PTPN4: variants seen among roughly 807,000 people sequenced by gnomAD.
PTPN4 encodes protein tyrosine phosphatase non-receptor type 4, also known as tyrosine-protein phosphatase non-receptor type 4.
Under a neutral mutation model 135.5 loss-of-function variants are expected in PTPN4, and 49 were observed. The ratio of observed to expected loss-of-function variants is 0.36; its 90% confidence interval spans 0.29 to 0.46. The LOEUF (loss-of-function observed/expected upper bound fraction) is 0.46. Among genes scored for constraint, PTPN4 ranks in the 20% least tolerant of loss-of-function variants. PTPN4 has a pLI of 1.00. For synonymous variants in PTPN4, 333 were observed against 369.9 expected, an observed-to-expected ratio of 0.90 and a Z score of 1.14; for missense variants, 860 against 1,101.0, an observed-to-expected ratio of 0.78 and a Z score of 3.10.
At position 119,760,206 on chromosome 2, in the gene PTPN4, C is replaced by T. The variant is rs1690454433; in HGVS notation, c.-196C>T. 2.5e-6 allele frequency: 1 copy of T among 396,116 alleles called. No homozygotes were observed. The highest frequency in any genetic ancestry group is 1.3e-4 in the South Asian group (1 of 7,714). 24.5% of individuals were successfully genotyped at this position (396,116 alleles called of 1,614,324 possible). A position where few individuals can be genotyped will look rare whatever the true frequency, so the allele number is the denominator to read the frequency against. ...CCAGCGGCGCCGGCCCGCGGCTGCC[C>T]AGCAGCATGAGGTGGTGCTGGCGGC... is the stretch of plus-strand genomic sequence containing the variant. On this transcript the variant is annotated 5_prime_UTR_variant, in exon 1 of 27. Coordinates refer to ENST00000263708, the MANE Select transcript of PTPN4 (RefSeq NM_002830.4).
chr2:119,896,081 C>G (rs993490091), intron 9 of PTPN4, among the ~76,000 whole-genome samples: 1 of 152,132 alleles, frequency 6.6e-6, no homozygotes, highest in Non-Finnish European at 1.5e-5. Context: ...AAAACACAGA[C>G]AGGTATGTAT....
At position 119,885,972 on chromosome 2, in the gene PTPN4, G is replaced by C. The variant is rs1454009783; in HGVS notation, c.675+90G>C. The C allele has an allele frequency of 6.9e-6, 6 of 863,798 alleles. No homozygotes were observed. The East Asian group carries it at 1.4e-4, about 20-fold the overall frequency. 53.5% of individuals were successfully genotyped at this position (863,798 alleles called of 1,614,324 possible). ...TAAGATTAGATAACAAATGGAATAA[G>C]TTATGATTGCTGCTGACACAGCTGC... On this transcript the variant is annotated intron_variant, in intron 9 of 26. Transcript: ENST00000263708.
intron 26 of PTPN4, among the ~76,000 whole-genome samples, chr2:119,972,956 T>C (rs894666017): frequency 1.3e-5 from 2 of 152,150 alleles, no homozygotes; most frequent in African/African-American, 4.8e-5. Flanking sequence ...TTGCTAGCAT[T>C]TTCTTGAGGT....
chr2:119,878,131 A>G (rs1678012807), intron 5 of PTPN4, among the ~76,000 whole-genome samples: 1 of 152,148 alleles, frequency 6.6e-6, no homozygotes, highest in Non-Finnish European at 1.5e-5. Context: ...GTCTCAGCTT[A>G]TGTTACTATC....
chr2:119,817,977 T>A (rs1677013367), intron 2 of PTPN4, among the ~76,000 whole-genome samples: 1 of 152,180 alleles, frequency 6.6e-6, no homozygotes, highest in African/African-American at 2.4e-5. Context: ...CTTGTTGGTG[T>A]ATAGGAATGC....
intron 16 of PTPN4, 21 bp downstream of exon 16, chr2:119,945,261 T>C (rs776542332): frequency 2.9e-5 from 44 of 1,496,262 alleles, no homozygotes; most frequent in Non-Finnish European, 2.8e-5. Flanking sequence ...TCTTCAGATA[T>C]TCTCATTTTT....
At chr2:119,878,039 A>G (rs938441861) in intron 5 of PTPN4, among the ~76,000 whole-genome samples, 4 of 152,216 alleles carry the variant, frequency 2.6e-5, no homozygotes, top group Non-Finnish European at 5.9e-5. Context: ...CCAAAAAAAT[A>G]TAATGGAGTT....
At chr2:119,844,742 G>T (rs1205729196) in intron 2 of PTPN4, among the ~76,000 whole-genome samples, 11 of 142,314 alleles carry the variant, frequency 7.7e-5, no homozygotes, top group African/African-American at 3.0e-4. Context: ...GATGGCGGCC[G>T]GGCGGAGACG....
At chr2:119,954,655 C>T (rs974554666) in intron 19 of PTPN4, among the ~76,000 whole-genome samples, 6 of 152,180 alleles carry the variant, frequency 3.9e-5, no homozygotes, top group African/African-American at 9.7e-5. Flanking sequence ...TGAATCTCCT[C>T]ACATTACCAT....
At chr2:119,938,742 T>C (rs546531517) in intron 15 of PTPN4, among the ~76,000 whole-genome samples, 2 of 152,304 alleles carry the variant, frequency 1.3e-5, no homozygotes, top group South Asian at 2.1e-4. Context: ...GGGAGTTCTG[T>C]TGAGGCCTCA....
intron 26 of PTPN4, among the ~76,000 whole-genome samples, chr2:119,973,554 TAATTTGTTTAAA>T (rs909762786): frequency 6.6e-6 from 1 of 151,946 alleles, no homozygotes; most frequent in Non-Finnish European, 1.5e-5. Flanking sequence ...TTTGTTTTTA[TAATTTGTTTAAA>T]ATCAGAATTC....
chr2:119,969,651 C>T (rs1026149584), intron 26 of PTPN4, among the ~76,000 whole-genome samples: 5 of 151,210 alleles, frequency 3.3e-5, no homozygotes, highest in South Asian at 2.1e-4. Flanking sequence ...CTCCGCCTCC[C>T]GGGATCACAC....
chr2:119,900,644 C>A (rs1473104379), intron 9 of PTPN4, 74 bp from the exon 10 acceptor site: 8 of 906,196 alleles, frequency 8.8e-6, no homozygotes, highest in African/African-American at 1.7e-5. Context: ...AAAATAGAAT[C>A]CTATTTTTAA....
intron 11 of PTPN4, chr2:119,916,449 T>C (rs1678654884): frequency 6.6e-6 from 1 of 152,228 alleles, no homozygotes; most frequent in Admixed American, 6.5e-5. Context: ...GTTTATCGTT[T>C]ATGTTCATAA....
chr2:119,857,193 C>G (rs1271587539), intron 2 of PTPN4, among the ~76,000 whole-genome samples: 1 of 151,580 alleles, frequency 6.6e-6, no homozygotes, highest in Non-Finnish European at 1.5e-5. Flanking sequence ...AAGGAATTCT[C>G]TCTCAGCCTC....
chr2:119,809,293 A>G (rs1052821114), intron 1 of PTPN4, among the ~76,000 whole-genome samples: 2 of 151,252 alleles, frequency 1.3e-5, no homozygotes, highest in Admixed American at 6.6e-5. Context: ...CACCATTTCT[A>G]TTTTGTTTTC....
chr2:119,885,738 C>G (rs1678146284), intron 8 of PTPN4, 57 bp from the exon 9 acceptor site: 1 of 1,212,836 alleles, frequency 8.2e-7, no homozygotes, highest in Admixed American at 2.4e-5. Context: ...TCTAATTTAG[C>G]CATATTTATT....
intron 8 of PTPN4, among the ~76,000 whole-genome samples, chr2:119,883,156 C>T (rs1291937747): frequency 6.6e-6 from 1 of 152,098 alleles, no homozygotes; most frequent in African/African-American, 2.4e-5. Context: ...AATTCTGCAC[C>T]TGATCCCATG....
intron 2 of PTPN4, among the ~76,000 whole-genome samples, chr2:119,847,369 C>T (rs1416928979): frequency 7.1e-6 from 1 of 141,716 alleles, no homozygotes; most frequent in East Asian, 2.0e-4. Flanking sequence ...CTCTTGTTGC[C>T]CAGGCTGGAG....
Sources: gnomAD v4.1 joint callset for allele counts (sites outside exome capture counted in the v4.1 genomes callset) on GRCh38, gnomAD v4.1.1 for gene constraint, MANE v1.5 for transcripts, NCBI Gene and HGNC (gene_info 2026-07-23, HGNC 2026-07-21) for gene names.